Variants in STXBP5L observed in about 807,000 individuals in gnomAD.
STXBP5L encodes the protein syntaxin binding protein 5L, also known as syntaxin-binding protein 5-like.
Under a neutral mutation model 144.5 loss-of-function variants are expected in STXBP5L, and 65 were observed. The ratio of observed to expected loss-of-function variants is 0.45; its 90% CI spans 0.37 to 0.55. STXBP5L has a LOEUF of 0.55. Ranked by LOEUF, STXBP5L falls within the 20% of genes least tolerant of loss-of-function variation. STXBP5L has a pLI of 0.00. For missense variants in STXBP5L, 1,298 were observed against 1,405.5 expected (o/e 0.92, Z 1.22); for synonymous variants, 505 against 469.6 (o/e 1.08, Z -0.97).
intron 3 of STXBP5L, among the ~76,000 whole-genome samples, chr3:121,002,915 A>T (rs1943914268): frequency 6.6e-6 from 1 of 152,120 alleles, no homozygotes; most frequent in African/African-American, 2.4e-5. Context: ...ATAGTATTCC[A>T]TGGTGTATAT....
At chr3:121,406,790 TTG>T (rs1238885344) in intron 22 of STXBP5L, among the ~76,000 whole-genome samples, 1 of 151,996 alleles carries the variant, frequency 6.6e-6, no homozygotes, top group Non-Finnish European at 1.5e-5. Context: ...TCAAATAAGA[TTG>T]TGTGATTATT....
At chr3:121,343,213 G>C (rs912718344) in intron 20 of STXBP5L, among the ~76,000 whole-genome samples, 3 of 151,848 alleles carry the variant, frequency 2.0e-5, no homozygotes, top group Non-Finnish European at 4.4e-5. Context: ...TTGTAAATTT[G>C]TTTGAGTTCA....
chr3:121,136,309 C>A (rs2045255072), intron 7 of STXBP5L, among the ~76,000 whole-genome samples: 1 of 152,134 alleles, frequency 6.6e-6, no homozygotes. Flanking sequence ...AGATCCCTCC[C>A]CACCACAGCT....
At chr3:121,075,661 AC>A (rs950336485) in intron 5 of STXBP5L, among the ~76,000 whole-genome samples, 42 of 152,076 alleles carry the variant, frequency 2.8e-4, no homozygotes, top group African/African-American at 9.7e-4. Context: ...CATAAAATTC[AC>A]TGGGACTTTC....
At chr3:121,062,719 T>G (rs1560078322) in intron 5 of STXBP5L, among the ~76,000 whole-genome samples, 1 of 152,220 alleles carries the variant, frequency 6.6e-6, no homozygotes, top group African/African-American at 2.4e-5. Flanking sequence ...TTCATTCTTT[T>G]TTTCTAATCT....
At chr3:121,183,493 A>G (rs996727048) in intron 9 of STXBP5L, among the ~76,000 whole-genome samples, 2 of 152,148 alleles carry the variant, frequency 1.3e-5, no homozygotes. Flanking sequence ...ACTGATATAC[A>G]CCAACAGTGA....
intron 3 of STXBP5L, among the ~76,000 whole-genome samples, chr3:121,039,321 C>G (rs926151099): frequency 1.5e-4 from 23 of 151,712 alleles, no homozygotes; most frequent in Admixed American, 1.3e-4. Flanking sequence ...TATAAATTTA[C>G]CTTCAATTAA....
rs2047351145 is a variant in STXBP5L, at chr3:121,421,438, T to C, written c.*2341T>C. On this transcript the variant is annotated 3_prime_UTR_variant, in exon 27 of 27. Coordinates refer to ENST00000471454, the MANE Select transcript of STXBP5L (RefSeq NM_001308330.2). ...AGCAACATCCCTGGCCTCTGTCTAC[T>C]AGATGCCAGTAAGAACCTCCTAGTA... 4 of 152,186 alleles carry C rather than the reference T, an allele frequency of 2.6e-5. No individual in the cohort carries two copies. The highest frequency in any genetic ancestry group is 2.6e-4 in the Admixed American group (4 of 15,264). The allele number at this position is 152,186 out of a possible 1,614,324, so 9.4% of individuals were successfully genotyped here.
chr3:121,117,990 T>TA (rs1037550800), intron 6 of STXBP5L, among the ~76,000 whole-genome samples: 1 of 151,690 alleles, frequency 6.6e-6, no homozygotes, highest in African/African-American at 2.4e-5. Context: ...CCTAACATTT[T>TA]AAAAAAATGT....
At chr3:121,336,179 G>T (rs1436827934) in intron 20 of STXBP5L, among the ~76,000 whole-genome samples, 2 of 152,156 alleles carry the variant, frequency 1.3e-5, no homozygotes, top group African/African-American at 4.8e-5. Flanking sequence ...AATATCAGTG[G>T]TTATTAGAGA....
intron 5 of STXBP5L, among the ~76,000 whole-genome samples, chr3:121,094,741 G>A (rs1453871565): frequency 6.6e-6 from 1 of 152,178 alleles, no homozygotes; most frequent in Non-Finnish European, 1.5e-5. Context: ...GCCAGTCTGT[G>A]TCTTTTAATT....
chr3:120,976,071 G>C (rs868629386), intron 3 of STXBP5L, among the ~76,000 whole-genome samples: 2 of 152,156 alleles, frequency 1.3e-5, no homozygotes, highest in Admixed American at 6.5e-5. Flanking sequence ...AAATGAGTTA[G>C]GGAGGTTTTC....
chr3:121,288,357 A>T (rs1553758496), intron 19 of STXBP5L, among the ~76,000 whole-genome samples: 1 of 152,368 alleles, frequency 6.6e-6, no homozygotes, highest in South Asian at 2.1e-4. Context: ...GTATATACAT[A>T]ATAGTGGGAT....
In STXBP5L at chr3:121,424,691, A is replaced by G. The variant is rs1260776242; in HGVS notation, c.*5594A>G. 2.0e-5 allele frequency: 3 copies of G among 152,212 alleles called. No individual in the cohort carries two copies. Among genetic ancestry groups the G allele is most frequent in the Non-Finnish European group, 2.9e-5 (2 of 68,038 alleles). 9.4% of individuals were successfully genotyped at this position (152,212 alleles called of 1,614,324 possible). A position where few individuals can be genotyped will look rare whatever the true frequency, so the allele number is the denominator to read the frequency against. ...TACTATTTTTCTGTTGCACTCAGCAATTGTGACTATACTTAACAAAATTCT... is the reference window on the plus strand; with the variant it reads ...TACTATTTTTCTGTTGCACTCAGCAGTTGTGACTATACTTAACAAAATTCT... On this transcript the variant is annotated 3_prime_UTR_variant, in exon 27 of 27. Transcript: ENST00000471454.
intron 5 of STXBP5L, among the ~76,000 whole-genome samples, chr3:121,091,698 G>A (rs1412021295): frequency 1.3e-5 from 2 of 152,068 alleles, no homozygotes; most frequent in East Asian, 3.9e-4. Context: ...TGAGTAGGTT[G>A]CGAAAATTTT....
chr3:121,023,879 C>G (rs2686647), intron 3 of STXBP5L, among the ~76,000 whole-genome samples: 2 of 152,072 alleles, frequency 1.3e-5, no homozygotes, highest in African/African-American at 4.8e-5. Flanking sequence ...CCTCAGCCTC[C>G]CAAGTAGCTG....
chr3:121,293,785 C>T (rs186569323), intron 19 of STXBP5L, among the ~76,000 whole-genome samples: 8 of 152,302 alleles, frequency 5.3e-5, no homozygotes, highest in East Asian at 3.9e-4. Context: ...CACTTGAACC[C>T]GGGAGGCGGA....
intron 3 of STXBP5L, among the ~76,000 whole-genome samples, chr3:121,030,686 TAAATTCCCA>T (rs1560026563): frequency 6.6e-6 from 1 of 151,918 alleles, no homozygotes; most frequent in Non-Finnish European, 1.5e-5. Context: ...AAAAAACATA[TAAATTCCCA>T]GAATTCCCAG....
At chr3:121,396,081 T>TC (rs2046723442) in intron 22 of STXBP5L, among the ~76,000 whole-genome samples, 2 of 152,228 alleles carry the variant, frequency 1.3e-5, no homozygotes. Context: ...TTATCAGATC[T>TC]CCCCACCAAA....
Sources: allele counts gnomAD v4.1 joint callset (sites outside exome capture counted in the v4.1 genomes callset), GRCh38; gene constraint gnomAD v4.1.1; transcripts MANE v1.5; gene names NCBI Gene and HGNC (gene_info 2026-07-23, HGNC 2026-07-21).